The following FRAS1 variants were observed in gnomAD, a reference collection of about 807,000 sequenced individuals.
FRAS1 encodes the protein Fraser extracellular matrix complex subunit 1, also known as extracellular matrix organizing protein FRAS1.
Under a neutral mutation model 435.2 loss-of-function variants are expected in FRAS1, and 290 were observed. That is an observed-to-expected ratio of 0.67 (90% CI 0.61 to 0.73). FRAS1 has a LOEUF of 0.73. FRAS1 is among the 30% of genes least tolerant of loss of function. FRAS1 has a pLI of 0.00. For missense variants in FRAS1, 4,860 were observed against 5,001.5 expected (o/e 0.97, Z 0.85); for synonymous variants, 1,800 against 1,851.0 (o/e 0.97, Z 0.71).
intron 2 of FRAS1, among the ~76,000 whole-genome samples, chr4:78,131,577 A>C (rs1345401117): frequency 6.6e-6 from 1 of 152,270 alleles, no homozygotes; most frequent in Non-Finnish European, 1.5e-5. Flanking sequence ...CAGCGTGGGC[A>C]GAAGCCAAAA....
intron 45 of FRAS1, 148 bp downstream of exon 45, chr4:78,450,487 T>TA (rs1718988450): frequency 1.5e-6 from 1 of 653,692 alleles, no homozygotes; most frequent in Non-Finnish European, 2.6e-6. Context: ...GTTTTCTTAT[T>TA]TTTTTTTTCT....
chr4:78,448,097 G>A lies in FRAS1; in HGVS notation c.6055G>A (p.Gly2019Arg). ...AACTGCTTCTGAGCCTCTGGAGAAT[G>A]GGAGAGTTTTAGTCCAGGGCTCAAC... ...RQTASEPLEN[G>R]RVLVQGSTFT... is the part of the protein sequence containing the mutation. Residue 2019 changes from glycine to arginine, a missense_variant, in exon 44 of 74, where the codon GGG (glycine) becomes AGG (arginine). By Grantham distance (125) the Gly-to-Arg change is moderately radical (BLOSUM62 -2). Coordinates refer to ENST00000512123, the MANE Select transcript of FRAS1 (RefSeq NM_025074.7). 1 of 1,613,136 alleles carries A rather than the reference G, an allele frequency of 6.2e-7. No homozygotes were observed. Among genetic ancestry groups the A allele is most frequent in the Non-Finnish European group, 8.5e-7 (1 of 1,179,568 alleles).
chr4:78,246,636 C>T (rs537672622), intron 4 of FRAS1, among the ~76,000 whole-genome samples: 10 of 152,196 alleles, frequency 6.6e-5, no homozygotes, highest in Admixed American at 3.3e-4. Flanking sequence ...ATGCCAGTTC[C>T]GAATGATTAT....
At chr4:78,281,603 T>C (rs912859233) in intron 11 of FRAS1, among the ~76,000 whole-genome samples, 170 bp downstream of exon 11, 3 of 152,212 alleles carry the variant, frequency 2.0e-5, no homozygotes, top group Admixed American at 2.0e-4. Context: ...CTTTGATGCA[T>C]TGAACTTTTG....
intron 14 of FRAS1, among the ~76,000 whole-genome samples, chr4:78,301,395 T>C (rs1256202755): frequency 6.7e-6 from 1 of 148,452 alleles, no homozygotes; most frequent in Non-Finnish European, 1.5e-5. Flanking sequence ...AAAAAGCAAA[T>C]GCTGAAGAGG....
At chr4:78,472,477 T>TAAAGAAA in intron 52 of FRAS1, 147 bp downstream of exon 52, 6 of 584,024 alleles carry the variant, frequency 1.0e-5, no homozygotes, top group Non-Finnish European at 1.6e-5. Flanking sequence ...ACCATCCAAC[T>TAAAGAAA]TAAGAATTTT....
chr4:78,534,629 T>G lies in FRAS1; in HGVS notation c.11092+14T>G. 1 of 1,610,296 alleles carries G rather than the reference T, an allele frequency of 6.2e-7. No individual in the cohort carries two copies. The highest frequency in any genetic ancestry group is 8.5e-7 in the Non-Finnish European group (1 of 1,177,648). ...CCTTTTCAAAAGGTGAGTTGCTTCC[T>G]CCACCTGCAGAAAGAGGCTCTGCCT... is the stretch of plus-strand genomic sequence containing the variant. On this transcript the variant is annotated intron_variant, in intron 71 of 73. Transcript: ENST00000512123.
chr4:78,152,695 A>T (rs975242431), intron 2 of FRAS1, among the ~76,000 whole-genome samples: 1 of 143,096 alleles, frequency 7.0e-6, no homozygotes. Flanking sequence ...CTTGTAGATC[A>T]TGACAGATTC....
intron 14 of FRAS1, among the ~76,000 whole-genome samples, chr4:78,292,406 C>T (rs1727940529): frequency 3.3e-5 from 5 of 152,106 alleles, no homozygotes; most frequent in Admixed American, 3.3e-4. Context: ...AATAAAAAAA[C>T]CTATAAAATT....
chr4:78,118,046 A>G (rs1408837309), intron 2 of FRAS1, among the ~76,000 whole-genome samples: 2 of 152,160 alleles, frequency 1.3e-5, no homozygotes, highest in Non-Finnish European at 2.9e-5. Flanking sequence ...TTTCCTTCTA[A>G]CAGTCAGGAC....
intron 2 of FRAS1, among the ~76,000 whole-genome samples, chr4:78,124,170 T>C (rs187426865): frequency 6.6e-6 from 1 of 152,296 alleles, no homozygotes; most frequent in African/African-American, 2.4e-5. Context: ...TTATTGAGAG[T>C]TTTTGGCATG....
intron 70 of FRAS1, among the ~76,000 whole-genome samples, chr4:78,527,663 A>G (rs1252574554): frequency 1.3e-5 from 2 of 152,176 alleles, no homozygotes; most frequent in Admixed American, 6.5e-5. Flanking sequence ...ACTAAAGGGG[A>G]TACAAGCCTG....
At chr4:78,287,722 C>G (rs534285268) in intron 14 of FRAS1, among the ~76,000 whole-genome samples, 1 of 152,156 alleles carries the variant, frequency 6.6e-6, no homozygotes, top group South Asian at 2.1e-4. Context: ...AATGAGCACT[C>G]GGGCCATATG....
chr4:78,233,694 T>C (rs993061823), intron 2 of FRAS1, among the ~76,000 whole-genome samples: 1 of 152,244 alleles, frequency 6.6e-6, no homozygotes, highest in African/African-American at 2.4e-5. Context: ...CATTTCTATT[T>C]TACAGATGAA....
At chr4:78,291,561 C>T (rs1727898810) in intron 14 of FRAS1, among the ~76,000 whole-genome samples, 1 of 152,056 alleles carries the variant, frequency 6.6e-6, no homozygotes, top group South Asian at 2.1e-4. Flanking sequence ...TCTAGAAAGC[C>T]CTTCATATAA....
intron 2 of FRAS1, among the ~76,000 whole-genome samples, chr4:78,135,107 A>G (rs1392656428): frequency 2.0e-5 from 3 of 152,148 alleles, no homozygotes; most frequent in Non-Finnish European, 4.4e-5. Context: ...ACCATATTAC[A>G]AAAGAGAGAT....
At chr4:78,504,309 T>C (rs1397373659) in intron 61 of FRAS1, among the ~76,000 whole-genome samples, 1 of 152,178 alleles carries the variant, frequency 6.6e-6, no homozygotes, top group Non-Finnish European at 1.5e-5. Context: ...TAATATTGAC[T>C]GACAGTGGAG....
intron 20 of FRAS1, among the ~76,000 whole-genome samples, chr4:78,341,632 T>C (rs941814772): frequency 2.0e-5 from 3 of 152,112 alleles, no homozygotes; most frequent in Non-Finnish European, 4.4e-5. Context: ...TTTAACATAA[T>C]AGAAGCAACA....
chr4:78,083,814 C>T (rs543841180), intron 2 of FRAS1, among the ~76,000 whole-genome samples: 1 of 152,046 alleles, frequency 6.6e-6, no homozygotes, highest in East Asian at 1.9e-4. Context: ...ATGAACATTA[C>T]CTGGATCACT....
Sources: gnomAD v4.1 joint callset for allele counts (sites outside exome capture counted in the v4.1 genomes callset) on GRCh38, gnomAD v4.1.1 for gene constraint, MANE v1.5 for transcripts, NCBI Gene and HGNC (gene_info 2026-07-23, HGNC 2026-07-21) for gene names.